The following STXBP4 variants were observed in gnomAD, a reference collection of about 807,000 sequenced individuals.
STXBP4 encodes syntaxin binding protein 4.
STXBP4 carries 55 observed loss-of-function variants against 76.1 expected under a neutral mutation model. The ratio of observed to expected loss-of-function variants is 0.72; its 90% CI spans 0.58 to 0.91. The LOEUF (loss-of-function observed/expected upper bound fraction) is 0.91, where lower values mean the gene tolerates loss of function less well. STXBP4 is among the 40% of genes least tolerant of loss of function. The pLI, the probability that STXBP4 is intolerant of heterozygous loss-of-function variation, is 0.00. For missense variants in STXBP4, 618 were observed against 636.9 expected, an observed-to-expected ratio of 0.97 and a Z score of 0.32; for synonymous variants, 201 against 220.2, an observed-to-expected ratio of 0.91 and a Z score of 0.77.
intron 12 of STXBP4, among the ~76,000 whole-genome samples, chr17:55,058,416 C>A (rs529232971): frequency 2.0e-4 from 31 of 151,996 alleles, no homozygotes; most frequent in Non-Finnish European, 3.5e-4. Context: ...TTTAAATTTT[C>A]GATGCAACAT....
chr17:55,048,842 C>T (rs2144767713), intron 12 of STXBP4, among the ~76,000 whole-genome samples: 1 of 151,924 alleles, frequency 6.6e-6, no homozygotes, highest in East Asian at 1.9e-4. Context: ...AATAACTGAA[C>T]AGCCTAATAC....
At chr17:55,211,137 G>A in the STXBP4 span, among the ~76,000 whole-genome samples, 3 of 152,118 alleles carry the variant, frequency 2.0e-5, no homozygotes, top group Admixed American at 6.6e-5. Flanking sequence ...CCACTAGAGG[G>A]GAGGTAGGCT....
At chr17:55,123,922 G>A (rs1312412853) in intron 16 of STXBP4, among the ~76,000 whole-genome samples, 1 of 151,670 alleles carries the variant, frequency 6.6e-6, no homozygotes, top group East Asian at 1.9e-4. Flanking sequence ...AAGATAAAAC[G>A]AGAAATATGA....
At chr17:55,207,471 G>A in the STXBP4 span, among the ~76,000 whole-genome samples, 1 of 152,140 alleles carries the variant, frequency 6.6e-6, no homozygotes, top group South Asian at 2.1e-4. Context: ...ATTCACATAG[G>A]GAGCCCCCTA....
At chr17:55,187,232 C>T in the STXBP4 span, among the ~76,000 whole-genome samples, 6 of 152,110 alleles carry the variant, frequency 3.9e-5, no homozygotes, top group African/African-American at 1.4e-4. Context: ...AAAAGGAGAG[C>T]AGAGAGGCAG....
At chr17:55,086,439 T>C (rs1365418433) in intron 16 of STXBP4, among the ~76,000 whole-genome samples, 1 of 152,148 alleles carries the variant, frequency 6.6e-6, no homozygotes, top group Non-Finnish European at 1.5e-5. Context: ...AACTATATAG[T>C]ACATTATTGT....
chr17:55,033,585 G>A (rs188008798), intron 9 of STXBP4, among the ~76,000 whole-genome samples: 112 of 152,248 alleles, frequency 7.4e-4, no homozygotes, highest in Admixed American at 7.2e-4. Flanking sequence ...AGATGAGTAA[G>A]TTACTCTCCT....
At chr17:55,047,840 C>G (rs1368686611) in intron 12 of STXBP4, among the ~76,000 whole-genome samples, 1 of 151,636 alleles carries the variant, frequency 6.6e-6, no homozygotes, top group Non-Finnish European at 1.5e-5. Flanking sequence ...AAAAAAACAC[C>G]ACAGCCTTTA....
intron 1 of STXBP4, among the ~76,000 whole-genome samples, chr17:54,971,640 C>A (rs1407655754): frequency 2.0e-5 from 3 of 152,186 alleles, no homozygotes; most frequent in African/African-American, 7.2e-5. Context: ...ATGGACTCTA[C>A]ATAAATTACC....
intron 16 of STXBP4, among the ~76,000 whole-genome samples, chr17:55,140,661 G>A (rs896164229): frequency 2.0e-5 from 3 of 152,032 alleles, no homozygotes; most frequent in Non-Finnish European, 2.9e-5. Flanking sequence ...GCTTGCTTAC[G>A]TCAATCCACA....
rs575825902 is a variant in STXBP4 at position 55,030,106 on chromosome 17, G to A, written c.667-1062G>A. ...GATTAGATTTTGCTATATATAACTGGCGAACTCAAAATAACAGTAGTTTCC... is the reference window on the plus strand; with the variant it reads ...GATTAGATTTTGCTATATATAACTGACGAACTCAAAATAACAGTAGTTTCC... On this transcript the variant is annotated intron_variant, in intron 8 of 17. Transcript: ENST00000376352. Among the ~76,000 whole-genome samples, 45 of 152,214 alleles carry A rather than the reference G, an allele frequency of 3.0e-4. 1 individual carries two copies. The highest frequency in any genetic ancestry group is 6.8e-3 in the Middle Eastern group (2 of 294).
intron 16 of STXBP4, among the ~76,000 whole-genome samples, chr17:55,091,379 A>G (rs1465671004): frequency 1.3e-5 from 2 of 152,218 alleles, no homozygotes; most frequent in Admixed American, 6.5e-5. Context: ...AAAGATGTGT[A>G]TAAGTATATA....
At chr17:55,131,348 C>T (rs1252068984) in intron 16 of STXBP4, among the ~76,000 whole-genome samples, 1 of 152,146 alleles carries the variant, frequency 6.6e-6, no homozygotes, top group Non-Finnish European at 1.5e-5. Context: ...ATGGGGTACT[C>T]TTAGAAACAT....
At chr17:54,981,627 G>A (rs530550214) in intron 1 of STXBP4, among the ~76,000 whole-genome samples, 6 of 152,116 alleles carry the variant, frequency 3.9e-5, no homozygotes, top group Middle Eastern at 6.8e-3. Context: ...AAATATGAGA[G>A]AATTCTTTAT....
intron 16 of STXBP4, among the ~76,000 whole-genome samples, chr17:55,116,221 A>AT (rs1327967002): frequency 6.6e-6 from 1 of 151,834 alleles, no homozygotes; most frequent in Non-Finnish European, 1.5e-5. Context: ...GCTATGGAGC[A>AT]TGTTTGCATT....
chr17:55,145,621 T>G (rs568702776), intron 17 of STXBP4, among the ~76,000 whole-genome samples: 2 of 152,354 alleles, frequency 1.3e-5, no homozygotes, highest in East Asian at 3.9e-4. Flanking sequence ...TAAATTCTGA[T>G]GCAAGAGAAG....
chr17:54,996,419 G>T (rs1206846599), intron 4 of STXBP4, among the ~76,000 whole-genome samples: 4 of 151,812 alleles, frequency 2.6e-5, no homozygotes, highest in African/African-American at 9.7e-5. Context: ...GGGATGTTGA[G>T]GAGTTTCAAC....
chr17:54,974,271 G>A (rs182997706), intron 1 of STXBP4, among the ~76,000 whole-genome samples: 35 of 152,176 alleles, frequency 2.3e-4, no homozygotes, highest in African/African-American at 8.2e-4. Context: ...TAAGAATAAT[G>A]TATTTGAATA....
chr17:55,046,310 C>G (rs934410906), intron 11 of STXBP4, among the ~76,000 whole-genome samples: 1 of 151,906 alleles, frequency 6.6e-6, no homozygotes, highest in African/African-American at 2.4e-5. Context: ...CTTCATTTCA[C>G]CTCTTAGACA....
Sources: allele counts gnomAD v4.1 joint callset (sites outside exome capture counted in the v4.1 genomes callset), GRCh38; gene constraint gnomAD v4.1.1; transcripts MANE v1.5; gene names NCBI Gene and HGNC (gene_info 2026-07-23, HGNC 2026-07-21).